NCAM1: variants seen among roughly 807,000 people sequenced by gnomAD.
The protein encoded by NCAM1 is antigen recognized by monoclonal antibody 5.1H11.
In NCAM1, 14 loss-of-function variants were observed where a neutral mutation model predicts 109.8. The observed-to-expected ratio is 0.13, with a 90% CI of 0.08 to 0.20. NCAM1 has a LOEUF of 0.20. NCAM1 is among the 10% of genes least tolerant of loss of function. The pLI, the probability that NCAM1 is intolerant of heterozygous loss-of-function variation, is 1.00. For synonymous variants in NCAM1, 418 were observed against 442.9 expected, an observed-to-expected ratio of 0.94 and a Z score of 0.70; for missense variants, 774 against 1,109.9, an observed-to-expected ratio of 0.70 and a Z score of 4.30.
At chr11:113,119,301 T>G (rs782207415) in intron 1 of NCAM1, among the ~76,000 whole-genome samples, 1 of 152,302 alleles carries the variant, frequency 6.6e-6, no homozygotes. Context: ...GCAGAACTAC[T>G]GTCTGGAACA....
chr11:113,109,747 T>C (rs1940358192), intron 1 of NCAM1, among the ~76,000 whole-genome samples: 1 of 152,172 alleles, frequency 6.6e-6, no homozygotes, highest in African/African-American at 2.4e-5. Context: ...AAGTGACTTT[T>C]GTGCTGCATC....
chr11:113,021,848 G>A (rs9919620), intron 1 of NCAM1, among the ~76,000 whole-genome samples: 68,567 of 151,940 alleles, frequency 0.45, 16,350 homozygotes, highest in East Asian at 0.8. Flanking sequence ...ACTAGACTTT[G>A]CTAAACCCCT....
chr11:113,126,117 A>G (rs1555097028), intron 1 of NCAM1, among the ~76,000 whole-genome samples: 1 of 150,576 alleles, frequency 6.6e-6, no homozygotes, highest in East Asian at 2.0e-4. Context: ...AGATCATACC[A>G]CTGCACTTCA....
At chr11:113,177,009 A>G (rs1943172216) in intron 1 of NCAM1, among the ~76,000 whole-genome samples, 1 of 152,172 alleles carries the variant, frequency 6.6e-6, no homozygotes, top group Non-Finnish European at 1.5e-5. Flanking sequence ...CAAGGTTGCA[A>G]TTTATAACCT....
intron 1 of NCAM1, among the ~76,000 whole-genome samples, chr11:113,028,575 T>C (rs1952627420): frequency 1.3e-5 from 2 of 152,216 alleles, no homozygotes; most frequent in South Asian, 4.1e-4. Context: ...CCTTAGTTTC[T>C]TTGTCAAATC....
At chr11:113,061,818 A>G (rs144263747) in intron 1 of NCAM1, among the ~76,000 whole-genome samples, 2 of 152,360 alleles carry the variant, frequency 1.3e-5, no homozygotes, top group African/African-American at 2.4e-5. Flanking sequence ...GGTGTGCTGT[A>G]GTCTGATTTG....
chr11:113,153,590 TTAGTGCAAAAA>T (rs1555102933), intron 1 of NCAM1, among the ~76,000 whole-genome samples: 1 of 152,048 alleles, frequency 6.6e-6, no homozygotes, highest in East Asian at 1.9e-4. Flanking sequence ...AGAACTGGTT[TTAGTGCAAAAA>T]TAGTGAGTTT....
In NCAM1 at chr11:113,232,237, C is replaced by T. The variant is rs782313417; in HGVS notation, c.1308C>T (p.Cys436=). ...TWEGNQVNIT[C]EVFAYPSATI... is the part of the protein sequence containing the mutation. ...AGGGGAACCAGGTGAACATCACCTG[C>T]GAGGTATTTGCCTATCCCAGTGCCA... The change falls in exon 11 of 20, where the codon TGC becomes TGT. Residue 436 remains cysteine (C), a synonymous_variant. Coordinates refer to ENST00000316851, the MANE Select transcript of NCAM1 (RefSeq NM_181351.5). 98 of 1,613,662 alleles carry T rather than the reference C, an allele frequency of 6.1e-5. No homozygotes were observed. Among genetic ancestry groups the T allele is most frequent in the Non-Finnish European group, 7.3e-5 (86 of 1,179,812 alleles).
intron 1 of NCAM1, among the ~76,000 whole-genome samples, chr11:112,985,693 T>C (rs1398517074): frequency 6.6e-6 from 1 of 151,992 alleles, no homozygotes; most frequent in East Asian, 1.9e-4. Context: ...TGTTTTTAGA[T>C]TTCTTTTTCA....
chr11:113,115,435 A>G (rs1940656086), intron 1 of NCAM1, among the ~76,000 whole-genome samples: 1 of 152,194 alleles, frequency 6.6e-6, no homozygotes, highest in Non-Finnish European at 1.5e-5. Context: ...TGAAATTGCC[A>G]TCAGTTTTAG....
intron 17 of NCAM1, among the ~76,000 whole-genome samples, chr11:113,262,453 G>C (rs927216118): frequency 2.6e-5 from 4 of 152,184 alleles, no homozygotes; most frequent in African/African-American, 4.8e-5. Flanking sequence ...GTATTTTAGC[G>C]TGGAGGCTTC....
intron 1 of NCAM1, among the ~76,000 whole-genome samples, chr11:113,146,762 A>G (rs896647724): frequency 6.6e-6 from 1 of 152,120 alleles, no homozygotes; most frequent in East Asian, 1.9e-4. Flanking sequence ...GCTTTGTGGG[A>G]TAGAGGGAAG....
At chr11:112,996,329 A>G (rs534864324) in intron 1 of NCAM1, among the ~76,000 whole-genome samples, 32 of 152,330 alleles carry the variant, frequency 2.1e-4, no homozygotes, top group African/African-American at 7.2e-4. Context: ...TTCTTTCAGT[A>G]TACAATCACA....
At chr11:113,084,645 T>G (rs1215713896) in intron 1 of NCAM1, among the ~76,000 whole-genome samples, 1 of 152,192 alleles carries the variant, frequency 6.6e-6, no homozygotes, top group African/African-American at 2.4e-5. Context: ...GCCTCCTGAT[T>G]CGGTGCTCCT....
chr11:113,188,671 A>G (rs1943585466), intron 1 of NCAM1, among the ~76,000 whole-genome samples: 1 of 152,128 alleles, frequency 6.6e-6, no homozygotes, highest in Non-Finnish European at 1.5e-5. Flanking sequence ...TAAAGAAGAA[A>G]ATTTCAGTGA....
At chr11:113,243,481 A>G (rs1945402669) in intron 14 of NCAM1, 3 of 484,660 alleles carry the variant, frequency 6.2e-6, no homozygotes, top group South Asian at 1.5e-5. Flanking sequence ...GAGAGTCCAG[A>G]TGAAAGTGCT....
chr11:113,116,593 A>T (rs1555094933), intron 1 of NCAM1, among the ~76,000 whole-genome samples: 1 of 152,212 alleles, frequency 6.6e-6, no homozygotes. Context: ...CAGGGAGAAG[A>T]GCTTCTGGCT....
chr11:113,168,253 G>A (rs1210848307), intron 1 of NCAM1, among the ~76,000 whole-genome samples: 1 of 152,040 alleles, frequency 6.6e-6, no homozygotes, highest in African/African-American at 2.4e-5. Flanking sequence ...TTGTGGTCTC[G>A]GTCCTATTTG....
chr11:113,133,334 A>G (rs1555098751), intron 1 of NCAM1: 1 of 152,210 alleles, frequency 6.6e-6, no homozygotes, highest in Non-Finnish European at 1.5e-5. Flanking sequence ...CCAAGGACGT[A>G]ATCTGACTGT....
Sources: gnomAD v4.1 joint callset for allele counts (sites outside exome capture counted in the v4.1 genomes callset) on GRCh38, gnomAD v4.1.1 for gene constraint, MANE v1.5 for transcripts, NCBI Gene and HGNC (gene_info 2026-07-23, HGNC 2026-07-21) for gene names.